The following CCDC180 variants were observed in gnomAD, a reference collection of about 807,000 sequenced individuals.
The protein encoded by CCDC180 is coiled-coil domain containing 180.
CCDC180 carries 154 observed loss-of-function variants against 209.2 expected under a neutral mutation model. The ratio of observed to expected loss-of-function variants is 0.74; its 90% CI spans 0.65 to 0.84. CCDC180 has a LOEUF of 0.84. Among genes scored for constraint, CCDC180 ranks in the 40% least tolerant of loss-of-function variants. CCDC180 has a pLI of 0.00. For synonymous variants in CCDC180, 778 were observed against 749.1 expected, an observed-to-expected ratio of 1.04 and a Z score of -0.63; for missense variants, 1,874 against 1,997.3, an observed-to-expected ratio of 0.94 and a Z score of 1.18.
rs1438870423 is a variant in CCDC180, at chr9:97,322,841, C to T, written c.1168C>T (p.His390Tyr). 2.5e-6 allele frequency: 4 copies of T among 1,613,858 alleles called. No homozygotes were observed. The highest frequency in any genetic ancestry group is 3.4e-6 in the Non-Finnish European group (4 of 1,179,920). The change falls in exon 12 of 37, where the codon CAC (histidine) becomes TAC (tyrosine). Residue 390 changes from histidine (H) to tyrosine (Y), a missense_variant. Transcript: ENST00000529487. ...NSLNKELDTY[H>Y]VDCMMRIRLL... ...GTTTTCTGCCCATGGAGACACCTAC[C>T]ACGTGGACTGCATGATGCGGATCCG...
intron 11 of CCDC180, among the ~76,000 whole-genome samples, chr9:97,322,447 T>C (rs888390531): frequency 4.6e-5 from 7 of 152,198 alleles, no homozygotes; most frequent in Non-Finnish European, 7.4e-5. Flanking sequence ...AAAAGCCAGC[T>C]TCTGTGCATT....
Position 97,350,565 on chromosome 9 carries a change from A to G in CCDC180, c.3002+10A>G. ...TCATCAAACACTGCAGGTGGGAGCC[A>G]GTGTCCAGGGCCTCTTCAGGCCACC... On this transcript the variant is annotated intron_variant, in intron 22 of 36. Coordinates refer to ENST00000529487, the MANE Select transcript of CCDC180 (RefSeq NM_020893.6). The G allele has an allele frequency of 1.3e-6, 2 of 1,536,344 alleles. No homozygotes were observed. The highest frequency in any genetic ancestry group is 1.7e-6 in the Non-Finnish European group (2 of 1,146,926).
chr9:97,370,911 A>T, intron 33 of CCDC180, 133 bp downstream of exon 33: 12 of 637,478 alleles, frequency 1.9e-5, no homozygotes, highest in East Asian at 3.7e-5. Context: ...TGGGTTTTGT[A>T]GGTAAAAATG....
Position 97,341,482 on chromosome 9 carries a change from G to C in CCDC180, c.2275-1858G>C, listed in dbSNP as rs920654930. Among the ~76,000 whole-genome samples the C allele has an allele frequency of 2.6e-5, 4 of 152,286 alleles. No individual in the cohort carries two copies. In the South Asian group the frequency reaches 8.3e-4, roughly 32 times the overall value. On this transcript the variant is annotated intron_variant, in intron 18 of 36. Coordinates refer to ENST00000529487, the MANE Select transcript of CCDC180 (RefSeq NM_020893.6). ...TTGCTGGAGGTCCACTCCAGACCCT[G>C]TTTGCCTGGGTTTCACCAGCAGAGG...
Position 97,375,558 on chromosome 9 carries a change from C to A in CCDC180, c.4811C>A (p.Ala1604Glu). The stretch of plus-strand genomic sequence containing the variant: ...ACCAAAACCACCCTGGGCCACCTGG[C>A]GGCCGTGGAAGCCCGAGATGCTGTG... ...STTKTTLGHL[A>E]AVEARDAVYL... Residue 1604 changes from alanine (A) to glutamate (E), a missense_variant, in exon 36 of 37, where the codon GCG becomes GAG. Physicochemically the swap from Ala to Glu is moderately radical, Grantham distance 107. Coordinates refer to ENST00000529487, the MANE Select transcript of CCDC180 (RefSeq NM_020893.6). The A allele has an allele frequency of 6.2e-7, 1 of 1,614,222 alleles. No homozygotes were observed. The highest frequency in any genetic ancestry group is 8.5e-7 in the Non-Finnish European group (1 of 1,180,038).
At position 97,312,271 on chromosome 9, in the gene CCDC180, C is replaced by T. The variant is rs3747503; in HGVS notation, c.349+70C>T. 2.6e-4 allele frequency: 348 copies of T among 1,344,024 alleles called. 3 individuals are homozygous for T. In the East Asian group the frequency reaches 6.3e-3, roughly 25 times the overall value. 83.3% of individuals were successfully genotyped at this position (1,344,024 alleles called of 1,614,324 possible). ...ATGAGACCTGGGCAGGAGGTGGGGA[C>T]GTCTCCTGGCAACTCCTCTGAGGAA... On this transcript the variant is annotated intron_variant, in intron 4 of 36. Coordinates refer to ENST00000529487, the MANE Select transcript of CCDC180 (RefSeq NM_020893.6).
In CCDC180 at chr9:97,362,234, A is replaced by G; in HGVS notation, c.3695A>G (p.Lys1232Arg). Residue 1232 changes from lysine to arginine, a missense_variant, in exon 28 of 37, where the codon AAA becomes AGA. Transcript: ENST00000529487. Reference sequence around the variant, plus strand: ...AAATGGCCAACCCACCATTGTGACAAAGATCCGTCCCAGACAGGTAGAGGC... The same window carrying G: ...AAATGGCCAACCCACCATTGTGACAGAGATCCGTCCCAGACAGGTAGAGGC... ...NTKWPTHHCDKDPSQTGRGAW... is the reference protein window; with the variant it reads ...NTKWPTHHCDRDPSQTGRGAW... 1 of 1,613,734 alleles carries G rather than the reference A, an allele frequency of 6.2e-7. No homozygotes were observed. Among genetic ancestry groups the G allele is most frequent in the Non-Finnish European group, 8.5e-7 (1 of 1,179,772 alleles).
chr9:97,356,269 G>GTTGTCTTT lies in CCDC180; in HGVS notation c.3264+1262_3264+1263insTGTCTTTT, dbSNP rs770031575. Among the ~76,000 whole-genome samples, 201 of 152,282 alleles carry GTTGTCTTT rather than the reference G, an allele frequency of 1.3e-3. 1 individual carries two copies. The highest frequency in any genetic ancestry group is 6.8e-3 in the Middle Eastern group (2 of 294). ...CCCACTAGGACTAGGACAAGCCGAG[G>GTTGTCTTT]TGAGGACAGACTTGTCTTTTGGGAG... is the stretch of plus-strand genomic sequence containing the variant. On this transcript the variant is annotated intron_variant, in intron 24 of 36. Coordinates refer to ENST00000529487, the MANE Select transcript of CCDC180 (RefSeq NM_020893.6).
chr9:97,311,164 T>C (rs935054651), intron 3 of CCDC180, among the ~76,000 whole-genome samples: 5 of 152,050 alleles, frequency 3.3e-5, no homozygotes, highest in Admixed American at 6.5e-5. Flanking sequence ...AGGGGGTAAA[T>C]CACCACTGGT....
At chr9:97,350,583 A>C (rs1826395822) in intron 22 of CCDC180, 28 bp downstream of exon 22, 2 of 1,533,960 alleles carry the variant, frequency 1.3e-6, no homozygotes, top group Admixed American at 3.9e-5. Flanking sequence ...GGGCCTCTTC[A>C]GGCCACCTGA....
intron 2 of CCDC180, 28 bp from the exon 3 acceptor site, chr9:97,309,386 C>G: frequency 6.3e-7 from 1 of 1,593,820 alleles, no homozygotes; most frequent in Non-Finnish European, 8.5e-7. Flanking sequence ...CTGACCACTC[C>G]CCCATCCTTG....
intron 22 of CCDC180, among the ~76,000 whole-genome samples, chr9:97,352,116 A>ACAACAC (rs1262786821): frequency 3.3e-5 from 5 of 149,736 alleles, no homozygotes; most frequent in Non-Finnish European, 7.4e-5. Context: ...CCATCTCAAA[A>ACAACAC]CAACAACAAC....
At chr9:97,311,085 T>C (rs750674) in intron 3 of CCDC180, among the ~76,000 whole-genome samples, 94,158 of 152,108 alleles carry the variant, frequency 0.62, 29,932 homozygotes, top group African/African-American at 0.75. Flanking sequence ...TTCGGCCAGC[T>C]AAGGCCAGTC....
At chr9:97,312,084 G>A (rs1476680629) in intron 3 of CCDC180, 29 bp from the exon 4 acceptor site, 1 of 1,603,028 alleles carries the variant, frequency 6.2e-7, no homozygotes, top group Non-Finnish European at 8.5e-7. Flanking sequence ...CAGGAGCTGG[G>A]ACTTCACTCT....
At chr9:97,359,597 C>A (rs1042663105) in intron 25 of CCDC180, among the ~76,000 whole-genome samples, 1 of 152,096 alleles carries the variant, frequency 6.6e-6, no homozygotes, top group Non-Finnish European at 1.5e-5. Flanking sequence ...TTGCCACCTG[C>A]GTCAAATGTT....
intron 26 of CCDC180, among the ~76,000 whole-genome samples, chr9:97,361,056 C>T (rs933524165): frequency 2.0e-5 from 3 of 152,152 alleles, no homozygotes; most frequent in Admixed American, 2.0e-4. Flanking sequence ...AAGGGTCTAG[C>T]GTGAAGGTAT....
chr9:97,356,762 G>A (rs1826597314), intron 24 of CCDC180, among the ~76,000 whole-genome samples: 1 of 152,230 alleles, frequency 6.6e-6, no homozygotes, highest in Non-Finnish European at 1.5e-5. Context: ...TCTAACACCT[G>A]TGATAAACAA....
At chr9:97,337,893 A>C (rs567129396) in intron 18 of CCDC180, among the ~76,000 whole-genome samples, 11 of 152,228 alleles carry the variant, frequency 7.2e-5, no homozygotes, top group Middle Eastern at 6.8e-3. Flanking sequence ...TTAGTCTTAG[A>C]AGGGAGTATG....
In CCDC180 at chr9:97,371,651, G is replaced by C; in HGVS notation, c.4545G>C (p.Glu1515Asp). 1 of 1,609,050 alleles carries C rather than the reference G, an allele frequency of 6.2e-7. No homozygotes were observed. The highest frequency in any genetic ancestry group is 8.5e-7 in the Non-Finnish European group (1 of 1,175,894). The stretch of plus-strand genomic sequence containing the variant: ...TAACCAACTTGGCCACCTTCACCGA[G>C]AAGTTCCTACTGCAGTTGGATGAGG... ...VFITNLATFTEKFLLQLDEVV... is the reference protein window; with the variant it reads ...VFITNLATFTDKFLLQLDEVV... Residue 1515 changes from glutamate (E) to aspartate (D), a missense_variant, in exon 34 of 37, where the codon GAG becomes GAC. Coordinates refer to ENST00000529487, the MANE Select transcript of CCDC180 (RefSeq NM_020893.6).
Sources: gnomAD v4.1 joint callset for allele counts (sites outside exome capture counted in the v4.1 genomes callset) on GRCh38, gnomAD v4.1.1 for gene constraint, MANE v1.5 for transcripts, NCBI Gene and HGNC (gene_info 2026-07-23, HGNC 2026-07-21) for gene names.